The following CDK6 variants were observed in gnomAD, a reference collection of about 807,000 sequenced individuals.
CDK6 encodes the protein cyclin dependent kinase 6.
Under a neutral mutation model 37.1 loss-of-function variants are expected in CDK6, and 6 were observed. The ratio of observed to expected loss-of-function variants is 0.16; its 90% CI spans 0.09 to 0.32. The LOEUF is 0.32. Ranked by LOEUF, CDK6 falls within the 10% of genes least tolerant of loss-of-function variation. CDK6 has a pLI of 1.00. For synonymous variants in CDK6, 160 were observed against 161.3 expected (o/e 0.99, Z 0.06); for missense variants, 224 against 418.9 (o/e 0.53, Z 4.06).
At chr7:92,620,889 C>T (rs2116490577) in intron 6 of CDK6, among the ~76,000 whole-genome samples, 1 of 152,252 alleles carries the variant, frequency 6.6e-6, no homozygotes, top group Admixed American at 6.5e-5. Context: ...GCCTGGACAA[C>T]AGGGCAAGAC....
rs377584929 is a variant in CDK6, at chr7:92,833,793, C to G, written c.-367-103G>C. The G allele has an allele frequency of 4.5e-4, 181 of 404,942 alleles. No individual in the cohort carries two copies. The highest frequency in any genetic ancestry group is 3.6e-3 in the African/African-American group (174 of 48,756). The allele number at this position is 404,942 out of a possible 1,614,324, so 25.1% of individuals were successfully genotyped here. A position where few individuals can be genotyped will look rare whatever the true frequency, so the allele number is the denominator to read the frequency against. ...CCCCTCCTCCTCCTTTACGAAGCCT[C>G]CATCGCTACCCTCCGCGCGCTCCTG... On this transcript the variant is annotated intron_variant, in intron 1 of 7. Transcript: ENST00000424848. This position sits in a 1 kb window ranked among gnomAD's most constrained non-coding sequence, Gnocchi z 6.1.
Position 92,676,956 on chromosome 7 carries a change from C to T in CDK6, c.538-5421G>A, listed in dbSNP as rs376606293. On this transcript the variant is annotated intron_variant, in intron 4 of 7. Coordinates refer to ENST00000424848, the MANE Select transcript of CDK6 (RefSeq NM_001145306.2). ...CCTGGGCGACAGAGAGACTCCGTCTCAAAAAAAAAAAAAAAAGAAAGAAAA... is the reference window on the plus strand; with the variant it reads ...CCTGGGCGACAGAGAGACTCCGTCTTAAAAAAAAAAAAAAAAGAAAGAAAA... Among the ~76,000 whole-genome samples the T allele has an allele frequency of 3.1e-3, 203 of 65,196 alleles. 6 individuals are homozygous for T. The East Asian group carries it at 0.071, about 23-fold the overall frequency. The allele number at this position is 65,196 out of a possible 152,430, so 42.8% of individuals were successfully genotyped here.
At chr7:92,684,499 A>G (rs767951802) in intron 4 of CDK6, among the ~76,000 whole-genome samples, 1 of 152,090 alleles carries the variant, frequency 6.6e-6, no homozygotes, top group Non-Finnish European at 1.5e-5. Context: ...TTGCCTACCC[A>G]CAATGTTCTG....
chr7:92,628,401 A>G (rs755385095), intron 5 of CDK6, among the ~76,000 whole-genome samples: 1 of 151,986 alleles, frequency 6.6e-6, no homozygotes, highest in African/African-American at 2.4e-5. Context: ...ATATTCGTTT[A>G]CCTGTTGATT....
At chr7:92,637,319 T>C (rs1796195905) in intron 5 of CDK6, among the ~76,000 whole-genome samples, 1 of 152,226 alleles carries the variant, frequency 6.6e-6, no homozygotes, top group African/African-American at 2.4e-5. Flanking sequence ...ACTGACCAGT[T>C]AGACTTCTTG....
At chr7:92,700,928 A>G (rs1490834856) in intron 4 of CDK6, among the ~76,000 whole-genome samples, 1 of 152,276 alleles carries the variant, frequency 6.6e-6, no homozygotes, top group Non-Finnish European at 1.5e-5. Context: ...ATGGCAGCAG[A>G]AGGCTGCCTG....
In CDK6 at chr7:92,605,197, AAAAC is replaced by A; in HGVS notation, c.*9939_*9942del. On this transcript the variant is annotated 3_prime_UTR_variant, in exon 8 of 8. Coordinates refer to ENST00000424848, the MANE Select transcript of CDK6 (RefSeq NM_001145306.2). ...TGATATTTCAACACCAATTTTGAAA[AAAAC>A]AATGAACTTCATCATCTGACAATAA... The A allele has an allele frequency of 4.3e-6, 1 of 233,382 alleles. No individual in the cohort carries two copies. The highest frequency in any genetic ancestry group is 8.5e-6 in the Non-Finnish European group (1 of 117,872). The allele number at this position is 233,382 out of a possible 1,614,324, so 14.5% of individuals were successfully genotyped here. A position where few individuals can be genotyped will look rare whatever the true frequency, so the allele number is the denominator to read the frequency against.
intron 4 of CDK6, among the ~76,000 whole-genome samples, chr7:92,709,136 C>A (rs1469670266): frequency 6.6e-6 from 1 of 152,168 alleles, no homozygotes; most frequent in Admixed American, 6.5e-5. Flanking sequence ...CGTCACACAT[C>A]TTTCTTAAAA....
Position 92,618,061 on chromosome 7 carries a change from G to C in CDK6, c.834+11C>G. The C allele has an allele frequency of 6.2e-7, 1 of 1,613,720 alleles. No homozygotes were observed. Among genetic ancestry groups the C allele is most frequent in the Non-Finnish European group, 8.5e-7 (1 of 1,179,764 alleles). Reference sequence around the variant, plus strand: ...CACAGTGCAGACGAGCTTGACATCAGAAAAACTTACCAGAAGTAGGTCTTT... The same window carrying C: ...CACAGTGCAGACGAGCTTGACATCACAAAAACTTACCAGAAGTAGGTCTTT... On this transcript the variant is annotated intron_variant, in intron 7 of 7. Transcript: ENST00000424848.
At chr7:92,745,503 T>G (rs1050231249) in intron 3 of CDK6, among the ~76,000 whole-genome samples, 1 of 152,184 alleles carries the variant, frequency 6.6e-6, no homozygotes, top group Admixed American at 6.5e-5. Flanking sequence ...TCAGGACTGA[T>G]GCCTGCGAAC....
At chr7:92,663,711 A>G (rs576761117) in intron 5 of CDK6, among the ~76,000 whole-genome samples, 1 of 151,736 alleles carries the variant, frequency 6.6e-6, no homozygotes, top group Non-Finnish European at 1.5e-5. Flanking sequence ...CAAAAAAAAA[A>G]AAGAATTTAA....
chr7:92,820,746 T>C (rs1801151228), intron 2 of CDK6, among the ~76,000 whole-genome samples: 1 of 152,084 alleles, frequency 6.6e-6, no homozygotes, highest in Admixed American at 6.6e-5. Context: ...AGAAAGTCAA[T>C]AGATATTACT....
chr7:92,758,755 T>C (rs1799379617), intron 3 of CDK6, among the ~76,000 whole-genome samples: 1 of 152,238 alleles, frequency 6.6e-6, no homozygotes, highest in Admixed American at 6.5e-5. Context: ...TATCAATTCT[T>C]CCTATCCATG....
At chr7:92,817,122 A>G (rs1801050187) in intron 2 of CDK6, among the ~76,000 whole-genome samples, 1 of 151,986 alleles carries the variant, frequency 6.6e-6, no homozygotes, top group South Asian at 2.1e-4. Context: ...TTTAAGAAAG[A>G]AAGAATGCCA....
Position 92,758,441 on chromosome 7 carries a change from A to T in CDK6, c.369+16255T>A, listed in dbSNP as rs137982311. 2.1e-3 allele frequency among the ~76,000 whole-genome samples: 315 copies of T among 152,100 alleles called. 1 individual carries two copies. The highest frequency in any genetic ancestry group is 7.3e-3 in the African/African-American group (302 of 41,504). On this transcript the variant is annotated intron_variant, in intron 3 of 7. Transcript: ENST00000424848. The stretch of plus-strand genomic sequence containing the variant: ...CAGGTTTGTGGAAGGGCAGATGGTC[A>T]TATGTGTGTGGCCTCATTTCTGGGC...
chr7:92,803,300 A>G (rs1450790312), intron 2 of CDK6, among the ~76,000 whole-genome samples: 1 of 152,188 alleles, frequency 6.6e-6, no homozygotes, highest in Non-Finnish European at 1.5e-5. Context: ...GTGAATAACT[A>G]AGGACACTGT....
intron 5 of CDK6, among the ~76,000 whole-genome samples, chr7:92,663,852 C>T (rs1796893251): frequency 1.3e-5 from 2 of 151,924 alleles, no homozygotes; most frequent in African/African-American, 4.8e-5. Context: ...CATAAAAATG[C>T]TTTTTAAAGA....
intron 4 of CDK6, among the ~76,000 whole-genome samples, chr7:92,697,032 C>T (rs2282989): frequency 0.083 from 12,697 of 152,162 alleles, 1,067 homozygotes; most frequent in East Asian, 0.33. Flanking sequence ...TATAATGTCA[C>T]AAAGTACATG....
intron 2 of CDK6, among the ~76,000 whole-genome samples, chr7:92,822,817 G>T (rs531969890): frequency 4.0e-4 from 61 of 152,204 alleles, no homozygotes; most frequent in African/African-American, 1.4e-3. Flanking sequence ...GCACTGGTTT[G>T]AGGGTTTTCT....
Sources: allele counts gnomAD v4.1 joint callset (sites outside exome capture counted in the v4.1 genomes callset), GRCh38; gene constraint gnomAD v4.1.1; non-coding constraint Gnocchi (gnomAD v3.1); transcripts MANE v1.5; gene names NCBI Gene and HGNC (gene_info 2026-07-23, HGNC 2026-07-21).